RPL7A: variants seen among roughly 807,000 people sequenced by gnomAD.
RPL7A encodes ribosomal protein L7a.
For synonymous variants in RPL7A, 158 were observed against 128.2 expected, an observed-to-expected ratio of 1.23 and a Z score of -1.57; for missense variants, 291 against 338.2, an observed-to-expected ratio of 0.86 and a Z score of 1.09.
intron 1 of RPL7A, 85 bp from the exon 2 acceptor site, chr9:133,348,837 C>T (rs2129981373): frequency 2.5e-6 from 4 of 1,608,578 alleles, no homozygotes; most frequent in South Asian, 1.1e-5. Flanking sequence ...GTCAGCGTCC[C>T]TTGTTTTGGA....
At position 133,349,093 on chromosome 9, in the gene RPL7A, G is replaced by C. The variant is rs2129983470; in HGVS notation, c.124+51G>C. The C allele has an allele frequency of 1.2e-6, 2 of 1,602,462 alleles. 1 individual carries two copies. Among genetic ancestry groups the C allele is most frequent in the Middle Eastern group, 3.3e-4 (2 of 6,008 alleles). On this transcript the variant is annotated intron_variant, in intron 2 of 7. Coordinates refer to ENST00000323345, the MANE Select transcript of RPL7A (RefSeq NM_000972.3). ...ACGGTCTATGTTTTTCTCAAGGGAA[G>C]GTGGTAATTGGGTTGTGTTGTATCT...
Position 133,349,958 on chromosome 9 carries a change from G to A in RPL7A, c.321G>A (p.Lys107=). Residue 107 remains lysine, a synonymous_variant, in exon 4 of 8, where the codon AAG becomes AAA. Coordinates refer to ENST00000323345, the MANE Select transcript of RPL7A (RefSeq NM_000972.3). ...CCCACAAGTACAGACCAGAGACAAA[G>A]CAAGAGAAGAAGCAGAGACTGTTGG... The part of the protein sequence containing the change: ...KLAHKYRPET[K]QEKKQRLLAR... 2 of 1,611,998 alleles carry A rather than the reference G, an allele frequency of 1.2e-6. No individual in the cohort carries two copies. The highest frequency in any genetic ancestry group is 1.7e-6 in the Non-Finnish European group (2 of 1,180,030).
intron 4 of RPL7A, 37 bp downstream of exon 4, chr9:133,350,089 G>C (rs367605534): frequency 6.2e-7 from 1 of 1,613,758 alleles, no homozygotes; most frequent in South Asian, 1.1e-5. Context: ...CACTGGGGGC[G>C]GGCTGTTGCA....
At chr9:133,348,425 T>C (rs2129978496) in intron 1 of RPL7A, 179 bp downstream of exon 1, 23 of 876,198 alleles carry the variant, frequency 2.6e-5, no homozygotes, top group Non-Finnish European at 3.6e-5. Flanking sequence ...CACGGAGACA[T>C]TGAGATGGAC....
In RPL7A at chr9:133,348,972, C is replaced by T. The variant is rs2129982507; in HGVS notation, c.54C>T (p.Val18=). 20 of 1,613,818 alleles carry T rather than the reference C, an allele frequency of 1.2e-5. No individual in the cohort carries two copies. Among genetic ancestry groups the T allele is most frequent in the Non-Finnish European group, 1.7e-5 (20 of 1,180,000 alleles). The change falls in exon 2 of 8, where the codon GTC becomes GTT. Residue 18 remains valine, a synonymous_variant. Transcript: ENST00000323345. ...AGAAGGTGGCTCCGGCCCCAGCTGT[C>T]GTGAAGAAGCAGGAGGCTAAGAAAG... ...KGKKVAPAPA[V]VKKQEAKKVV...
intron 5 of RPL7A, 106 bp downstream of exon 5, chr9:133,350,425 T>C (rs1836359364): frequency 1.3e-6 from 2 of 1,495,688 alleles, no homozygotes; most frequent in Non-Finnish European, 1.9e-6. Flanking sequence ...GTGAGGGCAG[T>C]ACTGACACAG....
intron 7 of RPL7A, 33 bp from the exon 8 acceptor site, chr9:133,351,229 A>G: frequency 6.3e-7 from 1 of 1,599,752 alleles, no homozygotes; most frequent in Non-Finnish European, 8.6e-7. Context: ...GAAAACAGTA[A>G]GCCAAGCTAA....
In RPL7A at chr9:133,350,518, C is replaced by T. The variant is rs2129994277; in HGVS notation, c.496-79C>T. On this transcript the variant is annotated intron_variant, in intron 5 of 7. Coordinates refer to ENST00000323345, the MANE Select transcript of RPL7A (RefSeq NM_000972.3). Reference sequence around the variant, plus strand: ...AAGTGCGAATCCATGAGCTTTTTAACCCTGAGCAATTGTTACAAGCTAACT... The same window carrying T: ...AAGTGCGAATCCATGAGCTTTTTAATCCTGAGCAATTGTTACAAGCTAACT... The T allele has an allele frequency of 6.2e-6, 10 of 1,607,360 alleles. No individual in the cohort carries two copies. The East Asian group carries it at 1.1e-4, about 18-fold the overall frequency.
At chr9:133,351,141 C>CTTA (rs1299895824) in intron 7 of RPL7A, 70 bp downstream of exon 7, 1 of 1,567,990 alleles carries the variant, frequency 6.4e-7, no homozygotes, top group Non-Finnish European at 8.8e-7. Context: ...GCTGGCTTAA[C>CTTA]CTATGAGAAG....
intron 1 of RPL7A, chr9:133,348,618 G>A (rs782397517): frequency 4.8e-6 from 3 of 626,500 alleles, no homozygotes; most frequent in Non-Finnish European, 8.7e-6. Context: ...TCTAGAGCCT[G>A]TGGGGCCGCG....
At chr9:133,350,981 G>C (rs2129997418) in intron 6 of RPL7A, 21 bp from the exon 7 acceptor site, 1 of 1,613,624 alleles carries the variant, frequency 6.2e-7, no homozygotes, top group Admixed American at 1.7e-5. Flanking sequence ...ACCCACTTTT[G>C]TTTCCCCTCC....
At chr9:133,348,400 C>T in intron 1 of RPL7A, 154 bp downstream of exon 1, 1 of 1,085,034 alleles carries the variant, frequency 9.2e-7, no homozygotes, top group Non-Finnish European at 1.4e-6. Flanking sequence ...TGGATTAGAG[C>T]CCCACTTGGT....
intron 2 of RPL7A, chr9:133,349,305 A>G: frequency 1.3e-6 from 1 of 788,510 alleles, no homozygotes; most frequent in Non-Finnish European, 2.2e-6. Flanking sequence ...GCAGCGAGGT[A>G]CTAGGACTGC....
At chr9:133,349,170 A>G (rs2129983919) in intron 2 of RPL7A, 128 bp downstream of exon 2, 1 of 1,133,814 alleles carries the variant, frequency 8.8e-7, no homozygotes, top group Non-Finnish European at 1.3e-6. Flanking sequence ...TGTGTCTCTT[A>G]GAGACGGGGG....
Position 133,349,691 on chromosome 9 carries a change from C to T in RPL7A, c.265C>T (p.Arg89Cys), listed in dbSNP as rs2129987947. Residue 89 changes from arginine to cysteine, a missense_variant, in exon 3 of 8, where the codon CGC becomes TGC. By Grantham distance (180) the Arg-to-Cys change is radical. Coordinates refer to ENST00000323345, the MANE Select transcript of RPL7A (RefSeq NM_000972.3). ...TAACCAGTTCACCCAGGCCCTGGAC[C>T]GCCAAACAGGTGAGGTTCTGTGGCG... ...AINQFTQALDRQTATQLLKLA... is the reference protein window; with the variant it reads ...AINQFTQALDCQTATQLLKLA... The T allele has an allele frequency of 1.5e-5, 25 of 1,613,784 alleles. No homozygotes were observed. The highest frequency in any genetic ancestry group is 1.8e-5 in the Non-Finnish European group (21 of 1,179,906).
At chr9:133,348,821 G>A in intron 1 of RPL7A, 101 bp from the exon 2 acceptor site, 1 of 1,581,172 alleles carries the variant, frequency 6.3e-7, no homozygotes, top group Non-Finnish European at 8.7e-7. Context: ...AGTTCAGGCA[G>A]GTGCTGTCAG....
intron 5 of RPL7A, 87 bp downstream of exon 5, chr9:133,350,406 C>T: frequency 6.5e-7 from 1 of 1,533,284 alleles, no homozygotes; most frequent in East Asian, 2.2e-5. Flanking sequence ...AGTGATGGGA[C>T]CGAAGTGGGT....
chr9:133,348,605 G>A, intron 1 of RPL7A: 1 of 604,900 alleles, frequency 1.7e-6, no homozygotes, highest in Non-Finnish European at 3.0e-6. Flanking sequence ...CGCCCCTGTT[G>A]CTTCTAGAGC....
At position 133,348,991 on chromosome 9, in the gene RPL7A, A is replaced by C. The variant is rs1422830962; in HGVS notation, c.73A>C (p.Lys25Gln). Reference protein sequence around the residue: ...APAVVKKQEAKKVVNPLFEKR... With the variant: ...APAVVKKQEAQKVVNPLFEKR... The stretch of plus-strand genomic sequence containing the variant: ...AGCTGTCGTGAAGAAGCAGGAGGCT[A>C]AGAAAGTGGTGAATCCCCTGTTTGA... Residue 25 changes from lysine (K) to glutamine (Q), a missense_variant, in exon 2 of 8, where the codon AAG (lysine) becomes CAG (glutamine). By Grantham distance (53) the Lys-to-Gln change is moderately conservative. Transcript: ENST00000323345. 4 of 1,613,942 alleles carry C rather than the reference A, an allele frequency of 2.5e-6. No homozygotes were observed. Among genetic ancestry groups the C allele is most frequent in the Non-Finnish European group, 3.4e-6 (4 of 1,180,030 alleles).
Sources: gnomAD v4.1 joint callset for allele counts on GRCh38, gnomAD v4.1.1 for gene constraint, MANE v1.5 for transcripts, NCBI Gene and HGNC (gene_info 2026-07-23, HGNC 2026-07-21) for gene names.